PCSK5: variants seen among roughly 807,000 people sequenced by gnomAD.
PCSK5 encodes proprotein convertase subtilisin/kexin type 5.
In PCSK5, 129 loss-of-function variants were observed where a neutral mutation model predicts 233.2. The ratio of observed to expected loss-of-function variants is 0.55; its 90% confidence interval spans 0.48 to 0.64. PCSK5 has a LOEUF of 0.64. PCSK5 is among the 30% of genes least tolerant of loss of function. The pLI is 0.00. For synonymous variants in PCSK5, 825 were observed against 879.2 expected, an observed-to-expected ratio of 0.94 and a Z score of 1.09; for missense variants, 2,076 against 2,430.1, an observed-to-expected ratio of 0.85 and a Z score of 3.06.
At chr9:76,332,680 G>A in intron 34 of PCSK5, 70 bp downstream of exon 34, 3 of 1,160,136 alleles carry the variant, frequency 2.6e-6, no homozygotes, top group South Asian at 1.5e-5. Context: ...TTTTACAAAT[G>A]AGGAAACTAA....
intron 24 of PCSK5, among the ~76,000 whole-genome samples, chr9:76,259,651 A>G (rs1195001899): frequency 6.6e-6 from 1 of 152,168 alleles, no homozygotes; most frequent in Non-Finnish European, 1.5e-5. Flanking sequence ...CTGTTGTTTC[A>G]TCAGCTCCTT....
chr9:76,005,638 T>C (rs557431746), intron 3 of PCSK5, among the ~76,000 whole-genome samples: 41 of 152,322 alleles, frequency 2.7e-4, no homozygotes, highest in Non-Finnish European at 4.6e-4. Flanking sequence ...CCAAACTGAA[T>C]GACCTTGTAC....
intron 9 of PCSK5, among the ~76,000 whole-genome samples, chr9:76,125,160 C>T (rs962520635): frequency 2.0e-5 from 3 of 151,976 alleles, no homozygotes; most frequent in South Asian, 4.2e-4. Flanking sequence ...GTGGCTATGT[C>T]CTTGCTCTGC....
rs149145071 is a variant in PCSK5 at position 75,993,252 on chromosome 9, A to T, written c.411+7007A>T. Among the ~76,000 whole-genome samples, 483 of 152,168 alleles carry T rather than the reference A, an allele frequency of 3.2e-3. 1 individual carries two copies. Among genetic ancestry groups the T allele is most frequent in the Middle Eastern group, 0.01 (3 of 294 alleles). On this transcript the variant is annotated intron_variant, in intron 3 of 37. Coordinates refer to ENST00000674117, the MANE Select transcript of PCSK5 (RefSeq NM_001372043.1). Reference sequence around the variant, plus strand: ...CAGGAGACCTCCTGAGAAAGGACAGATGCCAGTGAGGCAGTAAATAATGGA... The same window carrying T: ...CAGGAGACCTCCTGAGAAAGGACAGTTGCCAGTGAGGCAGTAAATAATGGA...
chr9:76,099,823 T>A (rs1356687015), intron 8 of PCSK5, among the ~76,000 whole-genome samples: 1 of 152,156 alleles, frequency 6.6e-6, no homozygotes, highest in Non-Finnish European at 1.5e-5. Context: ...CTAAGCCCCC[T>A]TCCCTGAGAC....
intron 1 of PCSK5, among the ~76,000 whole-genome samples, chr9:75,917,170 G>GAAA (rs34529382): frequency 4.8e-5 from 5 of 104,130 alleles, no homozygotes; most frequent in Non-Finnish European, 7.7e-5. Context: ...CTCCGTCTCA[G>GAAA]AAAAAAAAAA....
At chr9:75,901,020 A>G (rs1826007843) in intron 1 of PCSK5, among the ~76,000 whole-genome samples, 1 of 152,166 alleles carries the variant, frequency 6.6e-6, no homozygotes, top group African/African-American at 2.4e-5. Context: ...CTGGAAAGGA[A>G]GAGAAACGTT....
At chr9:76,187,487 G>A (rs1423994124) in intron 17 of PCSK5, among the ~76,000 whole-genome samples, 1 of 151,858 alleles carries the variant, frequency 6.6e-6, no homozygotes, top group Non-Finnish European at 1.5e-5. Context: ...TCAGCCTCCC[G>A]AGTAGCTGGG....
At chr9:76,269,250 A>T (rs1292228392) in intron 24 of PCSK5, among the ~76,000 whole-genome samples, 1 of 152,192 alleles carries the variant, frequency 6.6e-6, no homozygotes, top group African/African-American at 2.4e-5. Context: ...ATTCCAGTCC[A>T]CCACTTCTAG....
At chr9:76,075,308 A>G (rs1194559183) in intron 7 of PCSK5, among the ~76,000 whole-genome samples, 6 of 151,976 alleles carry the variant, frequency 3.9e-5, no homozygotes, top group Admixed American at 3.3e-4. Context: ...TGTTCTTCCT[A>G]TGTCTGTACA....
intron 17 of PCSK5, among the ~76,000 whole-genome samples, chr9:76,186,560 C>G (rs192061028): frequency 6.6e-6 from 1 of 152,164 alleles, no homozygotes; most frequent in Non-Finnish European, 1.5e-5. Context: ...ATTAGCCTCG[C>G]AGTACCTGTA....
At position 75,978,913 on chromosome 9, in the gene PCSK5, C is replaced by T. The variant is rs965403164; in HGVS notation, c.298-7219C>T. Among the ~76,000 whole-genome samples the T allele has an allele frequency of 4.7e-5, 6 of 128,036 alleles. No homozygotes were observed. The Admixed American group carries it at 5.6e-4, about 12-fold the overall frequency. The allele number at this position is 128,036 out of a possible 152,430, so 84.0% of individuals were successfully genotyped here. A position where few individuals can be genotyped will look rare whatever the true frequency, so the allele number is the denominator to read the frequency against. ...CTGAGATGGAATTTTGCTCTTGTTG[C>T]CCAGGCTGGAGTGCAATGGCACAAT... On this transcript the variant is annotated intron_variant, in intron 2 of 37. Transcript: ENST00000674117.
At chr9:76,314,805 AT>A (rs946067954) in intron 30 of PCSK5, among the ~76,000 whole-genome samples, 2 of 149,116 alleles carry the variant, frequency 1.3e-5, no homozygotes, top group African/African-American at 5.0e-5. Flanking sequence ...CCTGGCTTAT[AT>A]TTTTTTCTAT....
chr9:76,133,348 G>T (rs1388196870), intron 9 of PCSK5, among the ~76,000 whole-genome samples: 2 of 152,032 alleles, frequency 1.3e-5, no homozygotes, highest in Non-Finnish European at 2.9e-5. Flanking sequence ...AAGTCTGTTT[G>T]TATGTGCTTG....
intron 2 of PCSK5, among the ~76,000 whole-genome samples, chr9:75,960,901 T>C (rs1825324888): frequency 6.6e-6 from 1 of 152,196 alleles, no homozygotes; most frequent in Non-Finnish European, 1.5e-5. Context: ...GGCTACCCTG[T>C]ACAGTGATGA....
At chr9:76,074,217 C>T (rs1277202940) in intron 7 of PCSK5, among the ~76,000 whole-genome samples, 1 of 152,158 alleles carries the variant, frequency 6.6e-6, no homozygotes, top group East Asian at 1.9e-4. Flanking sequence ...TTGAACCTAA[C>T]GGTCTACCCT....
intron 36 of PCSK5, among the ~76,000 whole-genome samples, chr9:76,352,368 G>T (rs1830188593): frequency 6.6e-6 from 1 of 152,118 alleles, no homozygotes; most frequent in Admixed American, 6.5e-5. Flanking sequence ...TATCAGCAAG[G>T]CCTTTATGAT....
chr9:76,257,331 G>A (rs1399668898), intron 24 of PCSK5, among the ~76,000 whole-genome samples: 3 of 152,174 alleles, frequency 2.0e-5, no homozygotes, highest in African/African-American at 7.2e-5. Flanking sequence ...TCACAGAGCA[G>A]ACACCAGAAT....
intron 20 of PCSK5, among the ~76,000 whole-genome samples, chr9:76,202,039 A>G (rs1323298849): frequency 6.6e-6 from 1 of 152,216 alleles, no homozygotes; most frequent in Non-Finnish European, 1.5e-5. Flanking sequence ...CAATATAATA[A>G]AAGCTAAACT....
Sources: allele counts gnomAD v4.1 joint callset (sites outside exome capture counted in the v4.1 genomes callset), GRCh38; gene constraint gnomAD v4.1.1; transcripts MANE v1.5; gene names NCBI Gene and HGNC (gene_info 2026-07-23, HGNC 2026-07-21).